CDC42BPA: variants seen among roughly 807,000 people sequenced by gnomAD.
The protein encoded by CDC42BPA is serine/threonine-protein kinase MRCK alpha.
CDC42BPA carries 80 observed loss-of-function variants against 223.5 expected under a neutral mutation model. That is an observed-to-expected ratio of 0.36 (90% CI 0.30 to 0.43). The LOEUF (loss-of-function observed/expected upper bound fraction) is 0.43. CDC42BPA is among the 20% of genes least tolerant of loss of function. The probability of loss-of-function intolerance (pLI) is 1.00; values close to 1 mark genes in which losing one functional copy is unlikely to be tolerated. For missense variants in CDC42BPA, 1,743 were observed against 2,099.9 expected (o/e 0.83, Z 3.32); for synonymous variants, 694 against 718.6 (o/e 0.97, Z 0.55).
intron 2 of CDC42BPA, among the ~76,000 whole-genome samples, chr1:227,217,334 CT>C (rs1388658445): frequency 3.0e-4 from 45 of 151,810 alleles, no homozygotes; most frequent in Admixed American, 4.6e-4. Context: ...GTAGTCCCAG[CT>C]ACTAGGGAGG....
At chr1:227,126,510 AG>A (rs1553350159) in intron 11 of CDC42BPA, among the ~76,000 whole-genome samples, 1 of 114,450 alleles carries the variant, frequency 8.7e-6, no homozygotes, top group African/African-American at 3.5e-5. Flanking sequence ...GAAGGAAGGA[AG>A]GAAGGAAGGT....
At chr1:227,148,772 C>CAAAAAAAAAAAAAAA (rs57635319) in intron 6 of CDC42BPA, among the ~76,000 whole-genome samples, 3 of 78,786 alleles carry the variant, frequency 3.8e-5, no homozygotes, top group African/African-American at 1.7e-4. Flanking sequence ...GTCTCAAAAG[C>CAAAAAAAAAAAAAAA]AAAAAAAAAA....
At chr1:227,092,024 G>T in intron 15 of CDC42BPA, 33 bp from the exon 16 acceptor site, 1 of 1,167,634 alleles carries the variant, frequency 8.6e-7, no homozygotes, top group Non-Finnish European at 1.2e-6. Context: ...AGGAAAAAGG[G>T]GAATTAAAGG....
intron 16 of CDC42BPA, 110 bp from the exon 17 acceptor site, chr1:227,081,127 T>C (rs1342015761): frequency 1.7e-5 from 18 of 1,028,702 alleles, no homozygotes; most frequent in Middle Eastern, 2.8e-4. Context: ...AAAATGCCTG[T>C]CTTATTATAA....
intron 1 of CDC42BPA, among the ~76,000 whole-genome samples, chr1:227,294,271 C>CA (rs372428331): frequency 0.1 from 13,811 of 137,702 alleles, 803 homozygotes; most frequent in Middle Eastern, 0.19. Flanking sequence ...GACTTCATCT[C>CA]AAAAAAAAAA....
Position 227,311,334 on chromosome 1 carries a change from T to C in CDC42BPA, c.178+5671A>G, listed in dbSNP as rs369425322. Among the ~76,000 whole-genome samples the C allele has an allele frequency of 3.2e-4, 48 of 152,266 alleles. 1 individual carries two copies. In the South Asian group the frequency reaches 7.1e-3, roughly 22 times the overall value. ...TGATGGTCTCTCATAACAATTATTA[T>C]GCAAAGACTTCTTGACTCATCAAGA... On this transcript the variant is annotated intron_variant, in intron 1 of 36. Coordinates refer to ENST00000366766, the MANE Select transcript of CDC42BPA (RefSeq NM_001394014.1).
chr1:227,205,550 G>A (rs1452491154), intron 3 of CDC42BPA, among the ~76,000 whole-genome samples: 2 of 151,832 alleles, frequency 1.3e-5, no homozygotes, highest in African/African-American at 4.8e-5. Flanking sequence ...GGAGAAAAGG[G>A]AACTTGCATT....
intron 3 of CDC42BPA, among the ~76,000 whole-genome samples, chr1:227,208,825 C>A (rs993553190): frequency 1.2e-4 from 19 of 152,066 alleles, no homozygotes; most frequent in African/African-American, 3.4e-4. Flanking sequence ...CTTAGGATTG[C>A]CTTGGCGATG....
intron 1 of CDC42BPA, among the ~76,000 whole-genome samples, chr1:227,292,258 G>A (rs1689825868): frequency 6.6e-6 from 1 of 152,134 alleles, no homozygotes; most frequent in African/African-American, 2.4e-5. Flanking sequence ...TGGGATTACA[G>A]GCGTGAGCCA....
Position 226,991,176 on chromosome 1 carries a change from T to C in CDC42BPA, c.*3092A>G, listed in dbSNP as rs1261410233. 1 of 152,646 alleles carries C rather than the reference T, an allele frequency of 6.6e-6. No homozygotes were observed. The highest frequency in any genetic ancestry group is 2.4e-5 in the African/African-American group (1 of 41,464). The allele number at this position is 152,646 out of a possible 1,614,324, so 9.5% of individuals were successfully genotyped here. On this transcript the variant is annotated 3_prime_UTR_variant, in exon 37 of 37. Coordinates refer to ENST00000366766, the MANE Select transcript of CDC42BPA (RefSeq NM_001394014.1). Reference sequence around the variant, plus strand: ...GGTAGATAACTTGGCTGGACATAGATAGCACCAAATACTAACACAGATAGA... The same window carrying C: ...GGTAGATAACTTGGCTGGACATAGACAGCACCAAATACTAACACAGATAGA...
At chr1:227,060,716 ACTTT>A (rs1478115740) in intron 21 of CDC42BPA, among the ~76,000 whole-genome samples, 4 of 126,526 alleles carry the variant, frequency 3.2e-5, no homozygotes, top group African/African-American at 1.2e-4. Context: ...GTAAATAGGT[ACTTT>A]TTTTTTTTTT....
chr1:227,288,294 G>C (rs1419076387), intron 1 of CDC42BPA, among the ~76,000 whole-genome samples: 1 of 152,164 alleles, frequency 6.6e-6, no homozygotes, highest in African/African-American at 2.4e-5. Context: ...AGGATCACTT[G>C]AGCCCAGGAG....
At chr1:227,192,564 T>C (rs1290730423) in intron 5 of CDC42BPA, among the ~76,000 whole-genome samples, 1 of 152,206 alleles carries the variant, frequency 6.6e-6, no homozygotes, top group African/African-American at 2.4e-5. Flanking sequence ...TCTTTCTCTT[T>C]CTCACATTTT....
chr1:227,249,227 A>G (rs1442673323), intron 2 of CDC42BPA, among the ~76,000 whole-genome samples: 2 of 152,226 alleles, frequency 1.3e-5, no homozygotes, highest in Non-Finnish European at 2.9e-5. Flanking sequence ...CTGGATAACC[A>G]TATGCAGAAG....
chr1:227,111,896 C>T (rs73100809), intron 14 of CDC42BPA: 3,035 of 154,596 alleles, frequency 0.02, 85 homozygotes, highest in African/African-American at 0.068. Flanking sequence ...TTGCAAAGCA[C>T]CTTCTGCTGA....
At chr1:227,092,080 C>T (rs1683178764) in intron 15 of CDC42BPA, 89 bp from the exon 16 acceptor site, 1 of 682,002 alleles carries the variant, frequency 1.5e-6, no homozygotes, top group African/African-American at 1.8e-5. Flanking sequence ...ACATAAAACA[C>T]AAAATATCAG....
chr1:227,055,606 C>T (rs1223764005), intron 21 of CDC42BPA, among the ~76,000 whole-genome samples: 1 of 151,946 alleles, frequency 6.6e-6, no homozygotes, highest in Non-Finnish European at 1.5e-5. Context: ...TAAAAACAAA[C>T]ATAATCATTA....
intron 2 of CDC42BPA, among the ~76,000 whole-genome samples, chr1:227,249,897 G>A (rs1265898271): frequency 8.4e-6 from 1 of 119,410 alleles, no homozygotes; most frequent in Non-Finnish European, 2.0e-5. Flanking sequence ...AGCACAAGAG[G>A]GGGACTGTAG....
intron 5 of CDC42BPA, among the ~76,000 whole-genome samples, chr1:227,166,122 CA>C (rs1664990973): frequency 1.3e-5 from 2 of 152,206 alleles, no homozygotes; most frequent in African/African-American, 4.8e-5. Context: ...GTTTATCCAA[CA>C]ATGAGTACAA....
Sources: allele counts gnomAD v4.1 joint callset (sites outside exome capture counted in the v4.1 genomes callset), GRCh38; gene constraint gnomAD v4.1.1; transcripts MANE v1.5; gene names NCBI Gene and HGNC (gene_info 2026-07-23, HGNC 2026-07-21).